Variants in LRRC27 observed in about 807,000 individuals in gnomAD.
LRRC27 encodes leucine rich repeat containing 27.
In LRRC27, 57 loss-of-function variants were observed where a neutral mutation model predicts 55.0. The ratio of observed to expected loss-of-function variants is 1.04; its 90% CI spans 0.84 to 1.29. LRRC27 has a LOEUF of 1.29. LRRC27 is among the 50% of genes most tolerant of loss of function. The pLI is 0.00. For missense variants in LRRC27, 721 were observed against 651.5 expected (o/e 1.11, Z -1.16); for synonymous variants, 278 against 251.9 (o/e 1.10, Z -0.98).
chr10:132,335,495 C>T (rs1178779982), intron 2 of LRRC27, among the ~76,000 whole-genome samples: 1 of 150,938 alleles, frequency 6.6e-6, no homozygotes, highest in Non-Finnish European at 1.5e-5. Context: ...TCACAGTCTT[C>T]CTGGATGTCG....
chr10:132,365,704 C>T (rs1246300998), intron 10 of LRRC27, among the ~76,000 whole-genome samples, 154 bp downstream of exon 10: 2 of 152,144 alleles, frequency 1.3e-5, no homozygotes, highest in Non-Finnish European at 2.9e-5. Flanking sequence ...CAGGTTCAAG[C>T]GATTCTCCTG....
intron 9 of LRRC27, among the ~76,000 whole-genome samples, chr10:132,364,363 GCGCTTACACCCA>G (rs1564852818): frequency 0.036 from 35 of 964 alleles, no homozygotes; most frequent in Admixed American, 0.069. Context: ...CTCCACACCC[GCGCTTACACCCA>G]CCCACACTTA....
intron 3 of LRRC27, 117 bp from the exon 4 acceptor site, chr10:132,342,096 A>G (rs2067442963): frequency 1.6e-6 from 1 of 633,110 alleles, no homozygotes; most frequent in Non-Finnish European, 2.7e-6. Flanking sequence ...ATTTAAGTGT[A>G]TCTGTATTGA....
At chr10:132,368,783 CAGA>C (rs2133099469) in intron 10 of LRRC27, among the ~76,000 whole-genome samples, 1 of 152,286 alleles carries the variant, frequency 6.6e-6, no homozygotes, top group Non-Finnish European at 1.5e-5. Context: ...AGATCCATGA[CAGA>C]AATAATTGAT....
intron 1 of LRRC27, chr10:132,332,508 C>T (rs925800542): frequency 2.0e-5 from 3 of 152,242 alleles, no homozygotes; most frequent in Non-Finnish European, 4.4e-5. Context: ...CTCGGAAACC[C>T]CACGGAGCCT....
At chr10:132,366,008 T>TGGTC (rs2069062391) in intron 10 of LRRC27, among the ~76,000 whole-genome samples, 1 of 152,242 alleles carries the variant, frequency 6.6e-6, no homozygotes, top group Non-Finnish European at 1.5e-5. Flanking sequence ...GAATTACAGT[T>TGGTC]GGTCACATGA....
chr10:132,365,425 G>A lies in LRRC27; in HGVS notation c.1291G>A (p.Ala431Thr), dbSNP rs1169458111. ...CCCTCTTTGCCCTTTGTTTCTCAGTGCCCTGCAGGAGAGAAATTTAGAAGA... is the reference window on the plus strand; with the variant it reads ...CCCTCTTTGCCCTTTGTTTCTCAGTACCCTGCAGGAGAGAAATTTAGAAGA... ...KSPQASKEMS[A>T]LQERNLEEKI... is the part of the protein sequence containing the mutation. The change falls in exon 10 of 11, where the codon GCC (alanine) becomes ACC (threonine). Residue 431 changes from alanine (A) to threonine (T), a missense_variant and splice_region_variant. Coordinates refer to ENST00000368614, the MANE Select transcript of LRRC27 (RefSeq NM_030626.3). The A allele has an allele frequency of 2.5e-6, 4 of 1,613,490 alleles. No individual in the cohort carries two copies. Among genetic ancestry groups the A allele is most frequent in the Non-Finnish European group, 2.5e-6 (3 of 1,179,870 alleles).
chr10:132,340,538 C>T (rs979555788), intron 3 of LRRC27, among the ~76,000 whole-genome samples: 5 of 152,156 alleles, frequency 3.3e-5, no homozygotes, highest in Non-Finnish European at 7.3e-5. Flanking sequence ...AGATGCTGTT[C>T]TTGTTGGCTG....
intron 10 of LRRC27, among the ~76,000 whole-genome samples, chr10:132,370,341 C>T (rs908449956): frequency 2.0e-5 from 3 of 152,194 alleles, no homozygotes; most frequent in Non-Finnish European, 4.4e-5. Flanking sequence ...GTCACCCTGC[C>T]CAGGAGACAG....
intron 9 of LRRC27, among the ~76,000 whole-genome samples, chr10:132,363,950 G>C (rs1424460497): frequency 6.6e-6 from 1 of 151,994 alleles, no homozygotes. Flanking sequence ...CGTGAAAATG[G>C]CTTAGACTAA....
intron 2 of LRRC27, among the ~76,000 whole-genome samples, chr10:132,334,545 T>G (rs996069847): frequency 3.3e-5 from 5 of 152,318 alleles, no homozygotes; most frequent in African/African-American, 1.2e-4. Flanking sequence ...CTGGCCAGAT[T>G]GACATTTTTG....
chr10:132,365,284 T>C, intron 9 of LRRC27, 140 bp from the exon 10 acceptor site: 1 of 1,172,510 alleles, frequency 8.5e-7, no homozygotes, highest in Non-Finnish European at 1.2e-6. Flanking sequence ...CCACAGTAAC[T>C]GGCACAGCTG....
chr10:132,368,704 A>G (rs1347587676), intron 10 of LRRC27, among the ~76,000 whole-genome samples: 4 of 152,244 alleles, frequency 2.6e-5, no homozygotes, highest in Non-Finnish European at 5.9e-5. Flanking sequence ...AACTTTTACA[A>G]GATAACATAG....
intron 5 of LRRC27, among the ~76,000 whole-genome samples, chr10:132,345,327 TG>T (rs2067627172): frequency 6.6e-6 from 1 of 152,244 alleles, no homozygotes; most frequent in Non-Finnish European, 1.5e-5. Flanking sequence ...GAAAAATGCA[TG>T]TTTGGAACAT....
Position 132,374,463 on chromosome 10 carries a change from C to G in LRRC27, c.1417-603C>G, listed in dbSNP as rs1440413400. Among the ~76,000 whole-genome samples, 1 of 152,194 alleles carries G rather than the reference C, an allele frequency of 6.6e-6. No homozygotes were observed. Among genetic ancestry groups the G allele is most frequent in the African/African-American group, 2.4e-5 (1 of 41,438 alleles). On this transcript the variant is annotated intron_variant, in intron 10 of 10. Transcript: ENST00000368614. This position sits in a 1 kb window ranked among gnomAD's most constrained non-coding sequence, Gnocchi z 4.4. ...TGAGGGCCCCCCGCAGTGCCCTCCTCAGCCTCACTTTGTTCTGCCCAGGGG... is the reference window on the plus strand; with the variant it reads ...TGAGGGCCCCCCGCAGTGCCCTCCTGAGCCTCACTTTGTTCTGCCCAGGGG...
upstream of LRRC27, chr10:132,332,088 A>C: frequency 2.7e-5 from 6 of 220,740 alleles, no homozygotes; most frequent in Non-Finnish European, 3.5e-5. Flanking sequence ...CAGGCGCACC[A>C]CACCCCTCGC....
At chr10:132,359,559 A>T (rs1280469541) in intron 8 of LRRC27, among the ~76,000 whole-genome samples, 2 of 152,180 alleles carry the variant, frequency 1.3e-5, no homozygotes, top group Non-Finnish European at 2.9e-5. Flanking sequence ...GGGCCTGGGG[A>T]ATCATGGCCG....
rs577265635 is a variant in LRRC27, at chr10:132,355,710, G to T, written c.1074-80G>T. The T allele has an allele frequency of 3.2e-3, 3,463 of 1,098,122 alleles. 8 individuals carry two copies. The highest frequency in any genetic ancestry group is 3.8e-3 in the Non-Finnish European group (2,831 of 739,482). 68.0% of individuals were successfully genotyped at this position (1,098,122 alleles called of 1,614,324 possible). ...CCCCTGGAGACAGGTGCACCGCAAG[G>T]CTGTAGAATGACAGAGGAATCCTGT... On this transcript the variant is annotated intron_variant, in intron 7 of 10. Transcript: ENST00000368614.
intron 2 of LRRC27, 50 bp downstream of exon 2, chr10:132,333,784 A>G (rs532783257): frequency 7.1e-7 from 1 of 1,409,066 alleles, no homozygotes; most frequent in Non-Finnish European, 9.9e-7. Context: ...CCCTATAGAC[A>G]GAAATGGGAA....
Sources: gnomAD v4.1 joint callset for allele counts (sites outside exome capture counted in the v4.1 genomes callset) on GRCh38, gnomAD v4.1.1 for gene constraint, Gnocchi (gnomAD v3.1) non-coding constraint, MANE v1.5 for transcripts, NCBI Gene and HGNC (gene_info 2026-07-23, HGNC 2026-07-21) for gene names.